SCAPER: variants seen among roughly 807,000 people sequenced by gnomAD.
The protein encoded by SCAPER is S-phase cyclin A associated protein in the ER, also known as S phase cyclin A-associated protein in the endoplasmic reticulum.
In SCAPER, 98 loss-of-function variants were observed where a neutral mutation model predicts 182.2. The observed-to-expected ratio is 0.54, with a 90% CI of 0.46 to 0.64. The LOEUF (loss-of-function observed/expected upper bound fraction) is 0.64. SCAPER is among the 30% of genes least tolerant of loss of function. The pLI, the probability that SCAPER is intolerant of heterozygous loss-of-function variation, is 0.00. For synonymous variants in SCAPER, 605 were observed against 564.6 expected, an observed-to-expected ratio of 1.07 and a Z score of -1.01; for missense variants, 1,432 against 1,690.0, an observed-to-expected ratio of 0.85 and a Z score of 2.68.
At chr15:76,824,401 G>T (rs1368925307) in intron 5 of SCAPER, among the ~76,000 whole-genome samples, 2 of 152,140 alleles carry the variant, frequency 1.3e-5, no homozygotes, top group Non-Finnish European at 2.9e-5. Context: ...ACAGGCCCTT[G>T]GGCCCACGAC....
chr15:76,701,931 T>G, intron 19 of SCAPER, 66 bp from the exon 20 acceptor site: 1 of 1,103,108 alleles, frequency 9.1e-7, no homozygotes, highest in East Asian at 2.4e-5. Context: ...CACTACACAT[T>G]CAGTCCAGTA....
intron 25 of SCAPER, among the ~76,000 whole-genome samples, chr15:76,458,963 A>T (rs2048947465): frequency 6.6e-6 from 1 of 152,086 alleles, no homozygotes. Flanking sequence ...GGCATAATCA[A>T]GGCTCACTGC....
In SCAPER at chr15:76,876,630, A is replaced by G. The variant is rs150197884; in HGVS notation, c.6+7182T>C. ...TTAATCTGTTAATAAATTTATATTT[A>G]TTAACAACATAAAGGAGAAAAGCCT... On this transcript the variant is annotated intron_variant, in intron 2 of 31. Coordinates refer to ENST00000563290, the MANE Select transcript of SCAPER (RefSeq NM_020843.4). Among the ~76,000 whole-genome samples the G allele has an allele frequency of 6.0e-4, 91 of 152,308 alleles. 1 individual carries two copies. The highest frequency in any genetic ancestry group is 2.0e-3 in the African/African-American group (84 of 41,592).
chr15:76,497,522 G>A (rs1226217656), intron 24 of SCAPER, among the ~76,000 whole-genome samples: 1 of 152,022 alleles, frequency 6.6e-6, no homozygotes, highest in Non-Finnish European at 1.5e-5. Flanking sequence ...CAAATAGGAA[G>A]GGAGAAGGTG....
intron 22 of SCAPER, among the ~76,000 whole-genome samples, chr15:76,581,137 T>C (rs1278475044): frequency 7.2e-5 from 11 of 152,002 alleles, no homozygotes; most frequent in South Asian, 4.2e-4. Context: ...AAACAACTAA[T>C]GAGATTGAAG....
chr15:76,578,224 C>G (rs1057481437), intron 22 of SCAPER, among the ~76,000 whole-genome samples: 1 of 152,166 alleles, frequency 6.6e-6, no homozygotes, highest in Non-Finnish European at 1.5e-5. Context: ...GTTTCTGACT[C>G]TAGGCCCTGG....
chr15:76,821,414 T>C (rs2067530917), intron 5 of SCAPER, among the ~76,000 whole-genome samples: 1 of 147,820 alleles, frequency 6.8e-6, no homozygotes, highest in South Asian at 2.1e-4. Context: ...AGCGCAGGAG[T>C]TGGAGACAAG....
intron 23 of SCAPER, among the ~76,000 whole-genome samples, chr15:76,524,078 ATACTT>A (rs1052278458): frequency 2.0e-5 from 3 of 152,140 alleles, no homozygotes; most frequent in African/African-American, 7.2e-5. Context: ...AATTACTCAA[ATACTT>A]TACTTACTTT....
At chr15:76,521,693 C>T (rs2042850321) in intron 23 of SCAPER, among the ~76,000 whole-genome samples, 1 of 152,154 alleles carries the variant, frequency 6.6e-6, no homozygotes, top group Non-Finnish European at 1.5e-5. Flanking sequence ...ATACTGACTT[C>T]TACATATTCC....
intron 25 of SCAPER, among the ~76,000 whole-genome samples, chr15:76,450,210 A>G (rs1486265614): frequency 2.0e-5 from 3 of 152,232 alleles, no homozygotes; most frequent in East Asian, 1.9e-4. Context: ...TGAAAAGGGC[A>G]CTCAAAAGTG....
chr15:76,658,764 C>T (rs11635162), intron 21 of SCAPER, among the ~76,000 whole-genome samples: 34,033 of 151,944 alleles, frequency 0.22, 4,491 homozygotes, highest in East Asian at 0.48. Context: ...GAAAAAATGC[C>T]GCACACCTGC....
At chr15:76,445,459 G>A (rs906980106) in intron 25 of SCAPER, among the ~76,000 whole-genome samples, 1 of 152,118 alleles carries the variant, frequency 6.6e-6, no homozygotes, top group African/African-American at 2.4e-5. Flanking sequence ...TGTTTTAGAA[G>A]ACCTCCTCTG....
chr15:76,725,632 A>AT (rs2060538909), intron 17 of SCAPER, among the ~76,000 whole-genome samples: 1 of 152,166 alleles, frequency 6.6e-6, no homozygotes, highest in African/African-American at 2.4e-5. Context: ...ATGGACTACC[A>AT]TAAAAACAGA....
chr15:76,488,464 A>AT (rs1279731527), intron 24 of SCAPER, among the ~76,000 whole-genome samples: 9 of 152,178 alleles, frequency 5.9e-5, no homozygotes, highest in African/African-American at 1.9e-4. Flanking sequence ...GTTTCCACTA[A>AT]TTTTTTTGTC....
At chr15:76,752,387 C>A (rs1003002882) in intron 15 of SCAPER, among the ~76,000 whole-genome samples, 3 of 151,652 alleles carry the variant, frequency 2.0e-5, no homozygotes, top group Non-Finnish European at 3.0e-5. Context: ...TGGGTATATA[C>A]CCAAAAGAAT....
At chr15:76,384,921 A>G (rs1161946887) in intron 27 of SCAPER, among the ~76,000 whole-genome samples, 3 of 152,256 alleles carry the variant, frequency 2.0e-5, no homozygotes. Flanking sequence ...GGCCTTATTC[A>G]TATCAGGCAT....
At chr15:76,774,009 T>C (rs564828167) in intron 9 of SCAPER, among the ~76,000 whole-genome samples, 1 of 151,830 alleles carries the variant, frequency 6.6e-6, no homozygotes, top group African/African-American at 2.4e-5. Flanking sequence ...ACAGAACAAA[T>C]ACTGGGAATA....
intron 22 of SCAPER, among the ~76,000 whole-genome samples, chr15:76,587,774 A>G (rs879335615): frequency 2.0e-5 from 3 of 152,086 alleles, no homozygotes; most frequent in African/African-American, 7.2e-5. Context: ...TTGGGTAGAA[A>G]TATCTGTTAA....
Position 76,471,252 on chromosome 15 carries a change from T to C in SCAPER, c.3038A>G (p.Lys1013Arg), listed in dbSNP as rs375475009. ...ENCSDVLFSN[K>R]ITFLMDLLIH... ...CAGGAGGTCCATTAAGAAGGTAATC[T>C]TGTTACTAAACAGAACATCACTGCA... The change falls in exon 25 of 32, where the codon AAG (lysine) becomes AGG (arginine). Residue 1013 changes from lysine to arginine, a missense_variant. Physicochemically the swap from Lys to Arg is conservative, Grantham distance 26. Around this residue, in one of 5 missense-constraint regions of SCAPER, gnomAD observed 718 missense variants for 799.7 expected, o/e 0.90. Transcript: ENST00000563290. The C allele has an allele frequency of 1.2e-6, 2 of 1,612,360 alleles. No individual in the cohort carries two copies. The highest frequency in any genetic ancestry group is 1.3e-5 in the African/African-American group (1 of 74,862).
Sources: gnomAD v4.1 joint callset for allele counts (sites outside exome capture counted in the v4.1 genomes callset) on GRCh38, gnomAD v4.1.1 for gene constraint, gnomAD v4.1.1 regional missense constraint, MANE v1.5 for transcripts, NCBI Gene and HGNC (gene_info 2026-07-23, HGNC 2026-07-21) for gene names.